Variants in ADGRB3 observed in about 807,000 individuals in gnomAD.
ADGRB3 encodes adhesion G protein-coupled receptor B3.
In ADGRB3, 37 loss-of-function variants were observed where a neutral mutation model predicts 193.4. That is an observed-to-expected ratio of 0.19 (90% confidence interval 0.15 to 0.25). ADGRB3 has a LOEUF of 0.25. Ranked by LOEUF, ADGRB3 falls within the 10% of genes least tolerant of loss-of-function variation. ADGRB3 has a pLI of 1.00. For missense variants in ADGRB3, 1,637 were observed against 1,852.9 expected (o/e 0.88, Z 2.14); for synonymous variants, 690 against 644.2 (o/e 1.07, Z -1.08).
At chr6:68,713,006 A>G (rs1409960970) in intron 3 of ADGRB3, among the ~76,000 whole-genome samples, 2 of 151,854 alleles carry the variant, frequency 1.3e-5, no homozygotes, top group Admixed American at 6.6e-5. Context: ...ATTGACAGCA[A>G]TTTTTTATTT....
intron 3 of ADGRB3, among the ~76,000 whole-genome samples, chr6:68,761,840 TTA>T (rs1449514498): frequency 6.6e-6 from 1 of 152,186 alleles, no homozygotes; most frequent in Non-Finnish European, 1.5e-5. Context: ...TGGAAAATTG[TTA>T]TGAGACCAAT....
chr6:68,922,162 C>G (rs1267844820), intron 3 of ADGRB3, among the ~76,000 whole-genome samples: 1 of 151,998 alleles, frequency 6.6e-6, no homozygotes, highest in Non-Finnish European at 1.5e-5. Flanking sequence ...CTATGAAAAA[C>G]AAGATTTTTG....
intron 3 of ADGRB3, among the ~76,000 whole-genome samples, chr6:68,778,226 G>A (rs555001183): frequency 1.3e-5 from 2 of 151,982 alleles, no homozygotes; most frequent in African/African-American, 2.4e-5. Context: ...CCAGGGAATG[G>A]GTAAGGTTAT....
chr6:68,700,581 A>T lies in ADGRB3; in HGVS notation c.757+61149A>T, dbSNP rs533235219. Among the ~76,000 whole-genome samples, 12 of 152,124 alleles carry T rather than the reference A, an allele frequency of 7.9e-5. No homozygotes were observed. In the East Asian group the frequency reaches 2.3e-3, roughly 29 times the overall value. On this transcript the variant is annotated intron_variant, in intron 3 of 31. Coordinates refer to ENST00000370598, the MANE Select transcript of ADGRB3 (RefSeq NM_001704.3). The stretch of plus-strand genomic sequence containing the variant: ...TTTTCCCTTTATCCATCATAATTAA[A>T]CAATTTCAGTATAGAAAAGACAAAT...
At chr6:68,933,827 T>C (rs544864848) in intron 4 of ADGRB3, among the ~76,000 whole-genome samples, 254 of 152,266 alleles carry the variant, frequency 1.7e-3, no homozygotes, top group African/African-American at 5.9e-3. Flanking sequence ...ATTCAGTAGA[T>C]TTCCATCAAT....
intron 3 of ADGRB3, among the ~76,000 whole-genome samples, chr6:68,747,884 C>G (rs1462316122): frequency 6.6e-6 from 1 of 152,078 alleles, no homozygotes; most frequent in Non-Finnish European, 1.5e-5. Context: ...TTTAATTGGA[C>G]TTACAGTTCC....
chr6:69,272,160 T>A (rs982851946), intron 20 of ADGRB3, among the ~76,000 whole-genome samples: 1 of 152,170 alleles, frequency 6.6e-6, no homozygotes, highest in Non-Finnish European at 1.5e-5. Context: ...TATAAACAAT[T>A]GGTCCTAATA....
At chr6:69,323,938 T>C (rs1768515240) in intron 20 of ADGRB3, among the ~76,000 whole-genome samples, 1 of 152,130 alleles carries the variant, frequency 6.6e-6, no homozygotes, top group Non-Finnish European at 1.5e-5. Flanking sequence ...AAAATTCTAC[T>C]GTCTTTGTTT....
At chr6:68,898,058 G>A (rs1766290844) in intron 3 of ADGRB3, among the ~76,000 whole-genome samples, 1 of 149,724 alleles carries the variant, frequency 6.7e-6, no homozygotes, top group African/African-American at 2.4e-5. Flanking sequence ...AGAAAGAGAG[G>A]TTTATTATAG....
At chr6:69,188,385 T>C (rs547467308) in intron 17 of ADGRB3, among the ~76,000 whole-genome samples, 1 of 152,250 alleles carries the variant, frequency 6.6e-6, no homozygotes, top group East Asian at 1.9e-4. Context: ...CTCGGCTCAC[T>C]GCAACCTCCA....
chr6:69,353,903 A>G (rs950398130), intron 26 of ADGRB3, among the ~76,000 whole-genome samples: 2 of 152,112 alleles, frequency 1.3e-5, no homozygotes, highest in African/African-American at 4.8e-5. Flanking sequence ...ATCTCTACTA[A>G]AAATACAATA....
Position 68,822,761 on chromosome 6 carries a change from G to C in ADGRB3, c.758-107798G>C, listed in dbSNP as rs117295710. Among the ~76,000 whole-genome samples, 14 of 151,950 alleles carry C rather than the reference G, an allele frequency of 9.2e-5. No homozygotes were observed. The East Asian group carries it at 2.7e-3, about 29-fold the overall frequency. ...GTAGTGATCTTAAGAAATAGAAATC[G>C]TCATTCAAAAATTTTATGAGCCACT... On this transcript the variant is annotated intron_variant, in intron 3 of 31. Coordinates refer to ENST00000370598, the MANE Select transcript of ADGRB3 (RefSeq NM_001704.3).
chr6:68,912,347 A>ATTATT (rs531118417), intron 3 of ADGRB3, among the ~76,000 whole-genome samples: 1,830 of 150,392 alleles, frequency 0.012, 24 homozygotes, highest in African/African-American at 0.034. Context: ...TTCTTTTTTT[A>ATTATT]TTATTTTATT....
chr6:68,696,373 T>C (rs1259111445), intron 3 of ADGRB3, among the ~76,000 whole-genome samples: 1 of 151,660 alleles, frequency 6.6e-6, no homozygotes, highest in Admixed American at 6.6e-5. Context: ...GATTTTAAAT[T>C]TTTATAGTTT....
chr6:69,247,520 G>A (rs1766523197), intron 20 of ADGRB3, among the ~76,000 whole-genome samples: 1 of 152,038 alleles, frequency 6.6e-6, no homozygotes, highest in Non-Finnish European at 1.5e-5. Flanking sequence ...TTTTTACTCT[G>A]TCTGATAAAC....
intron 16 of ADGRB3, among the ~76,000 whole-genome samples, chr6:69,063,810 T>C (rs1171645638): frequency 6.6e-6 from 1 of 152,030 alleles, no homozygotes; most frequent in Non-Finnish European, 1.5e-5. Context: ...TATTTAAATA[T>C]TCACTTCAAA....
chr6:68,733,286 C>CTA (rs1765807800), intron 3 of ADGRB3, among the ~76,000 whole-genome samples: 1 of 147,770 alleles, frequency 6.8e-6, no homozygotes, highest in South Asian at 2.1e-4. Flanking sequence ...ATATATATTC[C>CTA]TATATATATA....
intron 17 of ADGRB3, among the ~76,000 whole-genome samples, chr6:69,192,979 T>C (rs1561948070): frequency 6.6e-6 from 1 of 152,182 alleles, no homozygotes; most frequent in Non-Finnish European, 1.5e-5. Flanking sequence ...GAGTTTTATA[T>C]ATAGGAGAAA....
intron 3 of ADGRB3, among the ~76,000 whole-genome samples, chr6:68,805,107 T>G (rs148891452): frequency 3.2e-4 from 48 of 152,182 alleles, no homozygotes; most frequent in African/African-American, 1.1e-3. Flanking sequence ...TATTTTACTT[T>G]TTCATGGTAG....
Sources: allele counts gnomAD v4.1 joint callset (sites outside exome capture counted in the v4.1 genomes callset), GRCh38; gene constraint gnomAD v4.1.1; transcripts MANE v1.5; gene names NCBI Gene and HGNC (gene_info 2026-07-23, HGNC 2026-07-21).